Variants in NTM observed in about 807,000 individuals in gnomAD.
NTM encodes neurotrimin.
In NTM, 13 loss-of-function variants were observed where a neutral mutation model predicts 42.1. The observed-to-expected ratio is 0.31, with a 90% CI of 0.20 to 0.49. The LOEUF (loss-of-function observed/expected upper bound fraction) is 0.49. Among genes scored for constraint, NTM ranks in the 20% least tolerant of loss-of-function variants. The pLI is 0.99. For missense variants in NTM, 373 were observed against 452.8 expected (o/e 0.82, Z 1.60); for synonymous variants, 187 against 179.2 (o/e 1.04, Z -0.35).
intron 4 of NTM, among the ~76,000 whole-genome samples, chr11:132,299,738 G>A (rs1211680206): frequency 6.6e-6 from 1 of 152,152 alleles, no homozygotes; most frequent in African/African-American, 2.4e-5. Flanking sequence ...GGTCTGTCCT[G>A]CAGTGTTACA....
intron 3 of NTM, among the ~76,000 whole-genome samples, chr11:132,207,455 T>G (rs2082162771): frequency 6.6e-6 from 1 of 152,154 alleles, no homozygotes; most frequent in South Asian, 2.1e-4. Flanking sequence ...GATCCTACAT[T>G]ATGGTGAGTT....
At chr11:132,075,732 A>G (rs1297619982) in intron 2 of NTM, among the ~76,000 whole-genome samples, 2 of 152,228 alleles carry the variant, frequency 1.3e-5, no homozygotes, top group Non-Finnish European at 2.9e-5. Flanking sequence ...CTTCCCAGAA[A>G]GGTTTACAAG....
At chr11:131,764,623 AT>A (rs1348268996) in intron 1 of NTM, among the ~76,000 whole-genome samples, 1 of 152,166 alleles carries the variant, frequency 6.6e-6, no homozygotes, top group African/African-American at 2.4e-5. Context: ...AAAGGGGATA[AT>A]TATATAATAC....
chr11:131,707,976 C>T (rs561791377), intron 1 of NTM, among the ~76,000 whole-genome samples: 208 of 152,114 alleles, frequency 1.4e-3, no homozygotes, highest in South Asian at 2.5e-3. Flanking sequence ...AGTAAAATTG[C>T]CTCTCTTTGT....
chr11:131,882,120 TA>T (rs2049624163), intron 1 of NTM, among the ~76,000 whole-genome samples: 1 of 152,198 alleles, frequency 6.6e-6, no homozygotes, highest in African/African-American at 2.4e-5. Context: ...ATATGTACAT[TA>T]GTCAGAATTA....
intron 3 of NTM, among the ~76,000 whole-genome samples, chr11:132,158,011 C>T (rs774440502): frequency 6.6e-6 from 1 of 152,208 alleles, no homozygotes; most frequent in Admixed American, 6.5e-5. Flanking sequence ...TTCTACCTAA[C>T]TGGCCTGCTT....
At chr11:132,306,741 T>G (rs2095098910) in intron 4 of NTM, among the ~76,000 whole-genome samples, 1 of 152,182 alleles carries the variant, frequency 6.6e-6, no homozygotes, top group African/African-American at 2.4e-5. Flanking sequence ...TACCCTCATT[T>G]AAGAGAGAAG....
At chr11:131,721,996 CAAAAAAAAA>C (rs71475771) in intron 1 of NTM, among the ~76,000 whole-genome samples, 4 of 10,280 alleles carry the variant, frequency 3.9e-4, no homozygotes, top group East Asian at 3.5e-3. Flanking sequence ...AACTCTGTCT[CAAAAAAAAA>C]AAAAAAAAAA....
chr11:131,850,881 T>C (rs2045454221), intron 1 of NTM, among the ~76,000 whole-genome samples: 1 of 152,176 alleles, frequency 6.6e-6, no homozygotes, highest in African/African-American at 2.4e-5. Context: ...CAGCAGGTTA[T>C]TTCTCAGATT....
At chr11:131,503,807 A>G (rs547105623) in intron 1 of NTM, among the ~76,000 whole-genome samples, 1 of 152,040 alleles carries the variant, frequency 6.6e-6, no homozygotes, top group African/African-American at 2.4e-5. Flanking sequence ...ACCACGCCCC[A>G]CTGAGGTTAT....
At chr11:131,711,919 G>A (rs2077182751) in intron 1 of NTM, among the ~76,000 whole-genome samples, 1 of 144,404 alleles carries the variant, frequency 6.9e-6, no homozygotes, top group South Asian at 2.2e-4. Flanking sequence ...ACTCATAGGT[G>A]GGAATTGAAC....
In NTM at chr11:131,407,467, A is replaced by C. The variant is rs889707880; in HGVS notation, c.82+36579A>C. ...TGCAGACTCAAAATCCCAGTGACTA[A>C]GAACAAAGGTGGGACATGCAGAACA... On this transcript the variant is annotated intron_variant, in intron 1 of 8. Coordinates refer to ENST00000683400, the MANE Select transcript of NTM (RefSeq NM_001352005.2). 2.0e-5 allele frequency among the ~76,000 whole-genome samples: 3 copies of C among 152,214 alleles called. No individual in the cohort carries two copies. In the South Asian group the frequency reaches 6.2e-4, roughly 32 times the overall value.
chr11:131,830,685 G>C (rs2042712390), intron 1 of NTM, among the ~76,000 whole-genome samples: 1 of 152,128 alleles, frequency 6.6e-6, no homozygotes, highest in Non-Finnish European at 1.5e-5. Context: ...TTTTAGAATA[G>C]TTTTTTCTCA....
intron 1 of NTM, among the ~76,000 whole-genome samples, chr11:131,646,533 AT>A (rs759636785): frequency 4.6e-5 from 7 of 152,190 alleles, no homozygotes; most frequent in Non-Finnish European, 8.8e-5. Context: ...GCCATGGTCT[AT>A]TTATATGCAG....
intron 2 of NTM, among the ~76,000 whole-genome samples, chr11:132,106,742 A>C (rs1184662576): frequency 1.3e-5 from 2 of 152,188 alleles, no homozygotes; most frequent in Non-Finnish European, 2.9e-5. Context: ...GATCGTGATG[A>C]TACATCTTAG....
chr11:132,258,245 T>G (rs978335170), intron 4 of NTM, among the ~76,000 whole-genome samples: 1 of 152,224 alleles, frequency 6.6e-6, no homozygotes, highest in East Asian at 1.9e-4. Context: ...TTTTCTAAAC[T>G]CTGTCCTCAT....
intron 1 of NTM, among the ~76,000 whole-genome samples, chr11:131,815,921 G>A (rs1205081845): frequency 6.6e-6 from 1 of 152,226 alleles, no homozygotes; most frequent in Non-Finnish European, 1.5e-5. Context: ...TCTGCAGGAG[G>A]CGGGGCTTGT....
chr11:131,801,750 G>A (rs549917769), intron 1 of NTM, among the ~76,000 whole-genome samples: 221 of 152,156 alleles, frequency 1.5e-3, no homozygotes, highest in African/African-American at 5.2e-3. Context: ...ATTAATGGTG[G>A]CACGGGAACC....
chr11:132,252,479 G>A (rs2092050167), intron 4 of NTM, among the ~76,000 whole-genome samples: 1 of 152,120 alleles, frequency 6.6e-6, no homozygotes, highest in Non-Finnish European at 1.5e-5. Context: ...AATTCTGTGG[G>A]GCATATGGCA....
Sources: allele counts gnomAD v4.1 joint callset (sites outside exome capture counted in the v4.1 genomes callset), GRCh38; gene constraint gnomAD v4.1.1; transcripts MANE v1.5; gene names NCBI Gene and HGNC (gene_info 2026-07-23, HGNC 2026-07-21).